The following TET3 variants were observed in gnomAD, a reference collection of about 807,000 sequenced individuals.
The protein encoded by TET3 is methylcytosine dioxygenase TET3.
TET3 carries 19 observed loss-of-function variants against 141.4 expected under a neutral mutation model. That is an observed-to-expected ratio of 0.13 (90% confidence interval 0.09 to 0.20). The LOEUF (loss-of-function observed/expected upper bound fraction) is 0.20. Among genes scored for constraint, TET3 ranks in the 10% least tolerant of loss-of-function variants. The probability of loss-of-function intolerance (pLI) is 1.00; values close to 1 mark genes in which losing one functional copy is unlikely to be tolerated. For missense variants in TET3, 1,874 were observed against 2,356.9 expected, an observed-to-expected ratio of 0.80 and a Z score of 4.24; for synonymous variants, 1,043 against 980.9, an observed-to-expected ratio of 1.06 and a Z score of -1.18.
chr2:74,015,551 T>A (rs1197825477), intron 3 of TET3, among the ~76,000 whole-genome samples: 1 of 152,228 alleles, frequency 6.6e-6, no homozygotes, highest in Non-Finnish European at 1.5e-5. Flanking sequence ...CACCTTTCCA[T>A]GTCAGTACAT....
chr2:74,129,052 C>A, the TET3 span, among the ~76,000 whole-genome samples: 8 of 145,990 alleles, frequency 5.5e-5, no homozygotes, highest in South Asian at 1.1e-3. Flanking sequence ...ATAATCCCAG[C>A]ACTTTGGGAT....
At position 74,100,911 on chromosome 2, in the gene TET3, C is replaced by T. The variant is rs1460473128; in HGVS notation, c.4123C>T (p.Leu1375Phe). 1.9e-6 allele frequency: 3 copies of T among 1,610,502 alleles called. No homozygotes were observed. Among genetic ancestry groups the T allele is most frequent in the Non-Finnish European group, 8.5e-7 (1 of 1,178,486 alleles). ...KEYLLPKAPLLHSVSRDPSPF... is the reference protein window; with the variant it reads ...KEYLLPKAPLFHSVSRDPSPF... Reference sequence around the variant, plus strand: ...GTATCTGCTTCCCAAGGCCCCCCTACTCCACTCAGTGTCCAGGGACCCCTC... The same window carrying T: ...GTATCTGCTTCCCAAGGCCCCCCTATTCCACTCAGTGTCCAGGGACCCCTC... The change falls in exon 12 of 12, where the codon CTC becomes TTC. Residue 1375 changes from leucine (L) to phenylalanine (F), a missense_variant. This residue lies in a region of TET3 where 602 missense variants were observed against 590.2 expected (regional missense o/e 1.02). Transcript: ENST00000409262.
Position 74,103,083 on chromosome 2 carries a change from A to C in TET3, c.*907A>C, listed in dbSNP as rs1002429271. ...GCTGGAGCTGGAGTGCGAGGTTCTT[A>C]GGGGCCGTGCCCACCATGTTGCCAA... On this transcript the variant is annotated 3_prime_UTR_variant, in exon 12 of 12. Transcript: ENST00000409262. The C allele has an allele frequency of 2.6e-5, 4 of 152,206 alleles. No homozygotes were observed. Among genetic ancestry groups the C allele is most frequent in the African/African-American group, 9.7e-5 (4 of 41,428 alleles). 9.4% of individuals were successfully genotyped at this position (152,206 alleles called of 1,614,324 possible).
intron 4 of TET3, among the ~76,000 whole-genome samples, chr2:74,068,223 G>C (rs1573843130): frequency 1.3e-5 from 2 of 151,856 alleles, no homozygotes; most frequent in Non-Finnish European, 2.9e-5. Flanking sequence ...GAACACAGCT[G>C]AACTCAGTTT....
At chr2:73,985,488 C>T (rs908532203) in intron 1 of TET3, among the ~76,000 whole-genome samples, 3 of 145,292 alleles carry the variant, frequency 2.1e-5, no homozygotes, top group South Asian at 4.2e-4. Flanking sequence ...CCGCCCTCCC[C>T]AGTCGGGCTG....
intron 3 of TET3, among the ~76,000 whole-genome samples, chr2:74,031,815 A>G (rs1245966661): frequency 1.3e-5 from 2 of 152,238 alleles, no homozygotes; most frequent in Non-Finnish European, 2.9e-5. Flanking sequence ...GCAAACACAC[A>G]GGGATTCCTG....
chr2:74,080,710 G>GGC, intron 6 of TET3, 119 bp downstream of exon 6: 1 of 315,154 alleles, frequency 3.2e-6, no homozygotes, highest in East Asian at 1.2e-4. Context: ...GGGGGGTGGG[G>GGC]CCAGGTGGGT....
At chr2:74,041,130 T>C (rs1687315839) in intron 3 of TET3, among the ~76,000 whole-genome samples, 1 of 152,146 alleles carries the variant, frequency 6.6e-6, no homozygotes. Context: ...CCTCTGGTTG[T>C]TAGGGGGACT....
chr2:74,099,791 C>T (rs1472650086), intron 11 of TET3, among the ~76,000 whole-genome samples, 179 bp downstream of exon 11: 2 of 152,166 alleles, frequency 1.3e-5, no homozygotes, highest in Non-Finnish European at 2.9e-5. Context: ...GATGCAAGTA[C>T]AGCAGGACTT....
At chr2:74,056,372 A>T (rs559803334) in intron 4 of TET3, among the ~76,000 whole-genome samples, 1 of 152,376 alleles carries the variant, frequency 6.6e-6, no homozygotes, top group African/African-American at 2.4e-5. Context: ...TCCCCAGCCT[A>T]GAGCAGAAAT....
At chr2:74,031,469 TA>T (rs1686684933) in intron 3 of TET3, among the ~76,000 whole-genome samples, 1 of 152,222 alleles carries the variant, frequency 6.6e-6, no homozygotes, top group Non-Finnish European at 1.5e-5. Context: ...AAACCCAGAT[TA>T]CTGGCATCTT....
intron 3 of TET3, among the ~76,000 whole-genome samples, chr2:74,012,900 T>C (rs189015884): frequency 6.6e-6 from 1 of 152,310 alleles, no homozygotes; most frequent in Admixed American, 6.5e-5. Context: ...ATGTTTGCTT[T>C]TGTCATGTCT....
chr2:74,112,608 T>TA (rs1253769081), downstream of TET3, among the ~76,000 whole-genome samples: 1 of 152,148 alleles, frequency 6.6e-6, no homozygotes, highest in Admixed American at 6.6e-5. Flanking sequence ...AAAATTATTT[T>TA]AAAAAACAAA....
Position 74,100,532 on chromosome 2 carries a change from C to T in TET3, c.3744C>T (p.Pro1248=), listed in dbSNP as rs1368434912. 6.2e-7 allele frequency: 1 copy of T among 1,611,310 alleles called. No homozygotes were observed. Among genetic ancestry groups the T allele is most frequent in the Non-Finnish European group, 8.5e-7 (1 of 1,178,812 alleles). ...ACTCGGTGCTGGGCAACTGCCGGCCCTCCGACCCTTACAGCATGAACAGCG... is the reference window on the plus strand; with the variant it reads ...ACTCGGTGCTGGGCAACTGCCGGCCTTCCGACCCTTACAGCATGAACAGCG... ...ESYSVLGNCR[P]SDPYSMNSVY... is the part of the protein sequence containing the mutation. Residue 1248 remains proline, a synonymous_variant, in exon 12 of 12, where the codon CCC becomes CCT. Coordinates refer to ENST00000409262, the MANE Select transcript of TET3 (RefSeq NM_001287491.2).
At chr2:74,022,575 T>A (rs987091233) in intron 3 of TET3, among the ~76,000 whole-genome samples, 4 of 152,048 alleles carry the variant, frequency 2.6e-5, no homozygotes, top group African/African-American at 7.2e-5. Context: ...GTTTATTATT[T>A]TTTTTTCTTT....
At chr2:74,130,331 G>A in the TET3 span, among the ~76,000 whole-genome samples, 8 of 152,182 alleles carry the variant, frequency 5.3e-5, no homozygotes, top group Admixed American at 3.9e-4. Flanking sequence ...AAGAAATGAG[G>A]TCAGCTTCCT....
At chr2:74,063,703 T>C (rs951221393) in intron 4 of TET3, among the ~76,000 whole-genome samples, 30 of 152,202 alleles carry the variant, frequency 2.0e-4, no homozygotes, top group African/African-American at 6.5e-4. Context: ...GCAAGATGCG[T>C]AAGTTCTAGA....
intron 2 of TET3, among the ~76,000 whole-genome samples, chr2:73,993,935 G>A (rs1217219456): frequency 1.3e-5 from 2 of 152,078 alleles, no homozygotes; most frequent in African/African-American, 2.4e-5. Flanking sequence ...GAGCAGAATC[G>A]ATGTGTGCCC....
At position 74,048,287 on chromosome 2, in the gene TET3, A is replaced by T. The variant is rs767346989; in HGVS notation, c.2370A>T (p.Pro790=). 20 of 1,613,466 alleles carry T rather than the reference A, an allele frequency of 1.2e-5. No individual in the cohort carries two copies. In the Middle Eastern group the frequency reaches 6.6e-4, roughly 53 times the overall value. The change falls in exon 4 of 12, where the codon CCA becomes CCT. Residue 790 remains proline (P), a synonymous_variant. Transcript: ENST00000409262. ...QEATPTKAEN[P]LTPTLSGFLE... is the part of the protein sequence containing the mutation. The stretch of plus-strand genomic sequence containing the variant: ...CCACACCCACCAAGGCTGAGAACCC[A>T]CTCACACCCACCCTCAGTGGCTTCT...
Sources: gnomAD v4.1 joint callset for allele counts (sites outside exome capture counted in the v4.1 genomes callset) on GRCh38, gnomAD v4.1.1 for gene constraint, gnomAD v4.1.1 regional missense constraint, MANE v1.5 for transcripts, NCBI Gene and HGNC (gene_info 2026-07-23, HGNC 2026-07-21) for gene names.